SHISA9: variants seen among roughly 807,000 people sequenced by gnomAD.
SHISA9 encodes the protein protein shisa-9.
In SHISA9, 13 loss-of-function variants were observed where a neutral mutation model predicts 38.0. The ratio of observed to expected loss-of-function variants is 0.34; its 90% CI spans 0.22 to 0.54. The LOEUF is 0.54. SHISA9 is among the 20% of genes least tolerant of loss of function. SHISA9 has a pLI of 0.91. For missense variants in SHISA9, 538 were observed against 575.8 expected (o/e 0.93, Z 0.67); for synonymous variants, 275 against 242.0 (o/e 1.14, Z -1.27).
At chr16:12,987,738 TTAAA>T (rs2072331496) in intron 2 of SHISA9, among the ~76,000 whole-genome samples, 1 of 152,144 alleles carries the variant, frequency 6.6e-6, no homozygotes, top group Non-Finnish European at 1.5e-5. Context: ...ATCCCAGAAC[TTAAA>T]TAAACAAGAA....
At chr16:13,157,163 C>CCCAT (rs955220184) in intron 2 of SHISA9, among the ~76,000 whole-genome samples, 8 of 152,034 alleles carry the variant, frequency 5.3e-5, no homozygotes, top group East Asian at 1.9e-4. Context: ...CGTCCATCCC[C>CCCAT]CCATCCATCC....
the SHISA9 span, among the ~76,000 whole-genome samples, chr16:13,438,255 G>A: frequency 6.6e-6 from 1 of 152,148 alleles, no homozygotes; most frequent in African/African-American, 2.4e-5. Flanking sequence ...CTGGAAAGTG[G>A]CAATGAAATC....
chr16:12,992,483 G>A (rs1353454741), intron 2 of SHISA9, among the ~76,000 whole-genome samples: 1 of 152,064 alleles, frequency 6.6e-6, no homozygotes, highest in East Asian at 1.9e-4. Context: ...AGTGAGCCGA[G>A]GTTGTGCCAC....
At chr16:13,554,636 C>T in the SHISA9 span, among the ~76,000 whole-genome samples, 285 of 152,068 alleles carry the variant, frequency 1.9e-3, no homozygotes, top group Admixed American at 4.3e-3. Context: ...GGATTATAGG[C>T]ATGTGCCACC....
At chr16:13,190,691 T>G (rs2050876473) in intron 2 of SHISA9, among the ~76,000 whole-genome samples, 1 of 152,234 alleles carries the variant, frequency 6.6e-6, no homozygotes. Context: ...GTTATCTATT[T>G]GCAGCACAAC....
the SHISA9 span, among the ~76,000 whole-genome samples, chr16:13,561,659 G>A: frequency 6.6e-6 from 1 of 152,214 alleles, no homozygotes; most frequent in Admixed American, 6.5e-5. Context: ...CCTGGAGGAA[G>A]TGCTAGCTCC....
chr16:12,940,641 C>G lies in SHISA9; in HGVS notation c.691+23826C>G, dbSNP rs567484516. 3.1e-3 allele frequency among the ~76,000 whole-genome samples: 466 copies of G among 152,338 alleles called. 3 individuals are homozygous for G. Among genetic ancestry groups the G allele is most frequent in the African/African-American group, 0.01 (436 of 41,584 alleles). ...ACCATTGCTCCATATGCAAGATGCA[C>G]CCTTCTACAGAAGTAAATTTGCCTT... is the stretch of plus-strand genomic sequence containing the variant. On this transcript the variant is annotated intron_variant, in intron 2 of 4. Coordinates refer to ENST00000558583, the MANE Select transcript of SHISA9 (RefSeq NM_001145204.3).
chr16:13,074,179 A>T (rs2073553525), intron 2 of SHISA9, among the ~76,000 whole-genome samples: 1 of 152,146 alleles, frequency 6.6e-6, no homozygotes, highest in Non-Finnish European at 1.5e-5. Flanking sequence ...CATGTTGGCC[A>T]GGATGGTCTC....
intron 4 of SHISA9, 121 bp downstream of exon 4, chr16:13,213,421 G>A: frequency 2.3e-6 from 2 of 876,776 alleles, no homozygotes; most frequent in South Asian, 3.4e-5. Flanking sequence ...TGCATAGGGT[G>A]GCATCTGCAA....
the SHISA9 span, among the ~76,000 whole-genome samples, chr16:13,347,676 T>C: frequency 6.6e-6 from 1 of 152,226 alleles, no homozygotes; most frequent in Admixed American, 6.5e-5. Context: ...GGGCCCCTGA[T>C]TGACATAAGA....
chr16:13,264,051 C>A, the SHISA9 span, among the ~76,000 whole-genome samples: 1 of 152,102 alleles, frequency 6.6e-6, no homozygotes, highest in Non-Finnish European at 1.5e-5. Flanking sequence ...ACTTAAGCAA[C>A]TCTGGGCTCA....
the SHISA9 span, among the ~76,000 whole-genome samples, chr16:13,248,140 A>G: frequency 6.6e-6 from 1 of 152,142 alleles, no homozygotes; most frequent in African/African-American, 2.4e-5. Context: ...CTTGGGTCTT[A>G]TTAGTTGCCA....
chr16:13,464,851 G>GA, the SHISA9 span, among the ~76,000 whole-genome samples: 1 of 146,126 alleles, frequency 6.8e-6, no homozygotes, highest in African/African-American at 2.6e-5. Flanking sequence ...TTACAGTTCA[G>GA]AAAAATAAAG....
chr16:13,490,326 G>C, the SHISA9 span, among the ~76,000 whole-genome samples: 19,709 of 152,162 alleles, frequency 0.13, 1,413 homozygotes, highest in African/African-American at 0.2. Context: ...ACTTTGGGAG[G>C]CTGAGGCGGG....
In SHISA9 at chr16:13,069,384, A is replaced by T. The variant is rs1031849768; in HGVS notation, c.692-134010A>T. ...TGCATGTGTACGTGTGTGTACATGC[A>T]ATGTGTATGTGTGTACATACAATGT... On this transcript the variant is annotated intron_variant, in intron 2 of 4. Transcript: ENST00000558583. 1.0e-3 allele frequency among the ~76,000 whole-genome samples: 158 copies of T among 152,160 alleles called. 2 individuals carry two copies. Among genetic ancestry groups the T allele is most frequent in the Non-Finnish European group, 1.8e-3 (120 of 67,990 alleles).
At chr16:13,210,079 C>T (rs910895305) in intron 3 of SHISA9, among the ~76,000 whole-genome samples, 3 of 152,108 alleles carry the variant, frequency 2.0e-5, no homozygotes, top group African/African-American at 7.2e-5. Context: ...CCAGTCTGGG[C>T]AACAGAGCGA....
chr16:13,348,927 C>A, the SHISA9 span, among the ~76,000 whole-genome samples: 1 of 152,116 alleles, frequency 6.6e-6, no homozygotes, highest in African/African-American at 2.4e-5. Context: ...GGACTAACAT[C>A]CCCCTTTGCC....
chr16:12,969,309 A>C (rs921535933), intron 2 of SHISA9, among the ~76,000 whole-genome samples: 1 of 152,084 alleles, frequency 6.6e-6, no homozygotes, highest in Non-Finnish European at 1.5e-5. Context: ...GGTTAATGTA[A>C]AAAAAAGCAC....
At chr16:13,493,101 T>C in the SHISA9 span, among the ~76,000 whole-genome samples, 1 of 152,220 alleles carries the variant, frequency 6.6e-6, no homozygotes, top group Non-Finnish European at 1.5e-5. Flanking sequence ...GAATGTGTCA[T>C]TCACTCTGTG....
Sources: gnomAD v4.1 joint callset for allele counts (sites outside exome capture counted in the v4.1 genomes callset) on GRCh38, gnomAD v4.1.1 for gene constraint, MANE v1.5 for transcripts, NCBI Gene and HGNC (gene_info 2026-07-23, HGNC 2026-07-21) for gene names.